The following SYNPO variants were observed in gnomAD, a reference collection of about 807,000 sequenced individuals.
SYNPO encodes synaptopodin.
SYNPO carries 19 observed loss-of-function variants against 49.5 expected under a neutral mutation model. The ratio of observed to expected loss-of-function variants is 0.38; its 90% confidence interval spans 0.27 to 0.56. The LOEUF (loss-of-function observed/expected upper bound fraction) is 0.56, where lower values mean the gene tolerates loss of function less well. Among genes scored for constraint, SYNPO ranks in the 20% least tolerant of loss-of-function variants. The pLI is 0.68. For synonymous variants in SYNPO, 536 were observed against 548.0 expected (o/e 0.98, Z 0.31); for missense variants, 1,131 against 1,248.3 (o/e 0.91, Z 1.42).
intron 2 of SYNPO, among the ~76,000 whole-genome samples, chr5:150,634,743 C>G (rs923406154): frequency 1.2e-4 from 18 of 151,572 alleles, no homozygotes; most frequent in Non-Finnish European, 2.4e-4. Context: ...GTCACTTGTC[C>G]CTGGAAGGTC....
chr5:150,602,997 G>GGGGGGTGT (rs1554106602), intron 1 of SYNPO, among the ~76,000 whole-genome samples: 9 of 131,184 alleles, frequency 6.9e-5, no homozygotes, highest in African/African-American at 2.7e-4. Context: ...GCCACCTTAG[G>GGGGGGTGT]GTGTGTGTGT....
chr5:150,648,668 T>C lies in SYNPO; in HGVS notation c.393T>C (p.Ala131=). The change falls in exon 2 of 3, where the codon GCT becomes GCC. Residue 131 remains alanine, a synonymous_variant. Coordinates refer to ENST00000307662, the MANE Select transcript of SYNPO (RefSeq NM_007286.6). The surrounding 1 kb of genome is among the most constrained non-coding windows in gnomAD (Gnocchi z 5.0). ...TCCCATCTAATGGCACAGGGCCTGC[T>C]TCCAAACCCAGCACCCTGTGTGCTG... is the stretch of plus-strand genomic sequence containing the variant. The part of the protein sequence containing the change: ...AQLPSNGTGP[A]SKPSTLCADG... The C allele has an allele frequency of 6.2e-7, 1 of 1,614,176 alleles. No individual in the cohort carries two copies. Among genetic ancestry groups the C allele is most frequent in the Non-Finnish European group, 8.5e-7 (1 of 1,180,030 alleles).
At chr5:150,651,858 GATACA>G in intron 2 of SYNPO, 1 of 1,000,482 alleles carries the variant, frequency 1.0e-6, no homozygotes, top group Non-Finnish European at 1.2e-6. Context: ...GAGGTGATAT[GATACA>G]GCCCCCGACC....
intron 2 of SYNPO, 119 bp from the exon 3 acceptor site, chr5:150,656,285 T>C: frequency 1.2e-6 from 1 of 819,158 alleles, no homozygotes; most frequent in Admixed American, 3.1e-5. Context: ...ACTACCTGAC[T>C]TGGATCGGTG....
upstream of SYNPO, among the ~76,000 whole-genome samples, chr5:150,636,801 G>A (rs887286270): frequency 1.3e-5 from 2 of 151,860 alleles, no homozygotes; most frequent in Non-Finnish European, 2.9e-5. Context: ...ACGCGGGGTG[G>A]GGGGTGTTGG....
intron 1 of SYNPO, among the ~76,000 whole-genome samples, chr5:150,605,884 GATATAC>G (rs1756680234): frequency 1.3e-5 from 2 of 151,688 alleles, no homozygotes; most frequent in African/African-American, 4.8e-5. Context: ...CACACAGACA[GATATAC>G]ATAGACACAC....
rs1297113176 is a variant in SYNPO at position 150,649,030 on chromosome 5, G to A, written c.755G>A (p.Ser252Asn). The change falls in exon 2 of 3, where the codon AGC (serine) becomes AAC (asparagine). Residue 252 changes from serine to asparagine, a missense_variant. This residue lies in a region of SYNPO where 602 missense variants were observed against 720.7 expected (regional missense o/e 0.84). Transcript: ENST00000307662. ...GGGATCCAGGCGCCAGGGGGCACCA[G>A]CCAGATGGAGAGGAGCCCCATGCTA... Reference protein sequence around the residue: ...PFGIQAPGGTSQMERSPMLER... With the variant: ...PFGIQAPGGTNQMERSPMLER... The A allele has an allele frequency of 6.2e-7, 1 of 1,614,122 alleles. No homozygotes were observed. The highest frequency in any genetic ancestry group is 8.5e-7 in the Non-Finnish European group (1 of 1,180,044).
chr5:150,653,061 T>C (rs1481235118), intron 2 of SYNPO: 1 of 152,254 alleles, frequency 6.6e-6, no homozygotes, highest in Non-Finnish European at 1.5e-5. Flanking sequence ...TGTGCCCTGC[T>C]TTGGGTCTGG....
At chr5:150,603,576 G>T (rs1181697774) in intron 1 of SYNPO, among the ~76,000 whole-genome samples, 1 of 152,270 alleles carries the variant, frequency 6.6e-6, no homozygotes, top group Non-Finnish European at 1.5e-5. Flanking sequence ...GCCTGACCCT[G>T]CTCTGCTGCA....
At chr5:150,617,097 G>T (rs920093186) in intron 1 of SYNPO, among the ~76,000 whole-genome samples, 4 of 152,160 alleles carry the variant, frequency 2.6e-5, no homozygotes, top group African/African-American at 9.7e-5. Context: ...TAGAAACTGT[G>T]CTGAGTCCTC....
rs972018006 is a variant in SYNPO, at chr5:150,652,371, A to G, written c.2028+2068A>G. On this transcript the variant is annotated intron_variant, in intron 2 of 2. Coordinates refer to ENST00000307662, the MANE Select transcript of SYNPO (RefSeq NM_007286.6). ...GCTTCTTTCTTTCTTCCGTGCTGCTAGGGGTCAGGGTTCCCTTCCTCCTGC... is the reference window on the plus strand; with the variant it reads ...GCTTCTTTCTTTCTTCCGTGCTGCTGGGGGTCAGGGTTCCCTTCCTCCTGC... The G allele has an allele frequency of 1.3e-5, 13 of 986,434 alleles. No homozygotes were observed. The African/African-American group carries it at 2.3e-4, about 17-fold the overall frequency. 61.1% of individuals were successfully genotyped at this position (986,434 alleles called of 1,614,324 possible).
At position 150,648,033 on chromosome 5, in the gene SYNPO, C is replaced by T. The variant is rs750446551; in HGVS notation, c.-243C>T. Reference sequence around the variant, plus strand: ...GATTGCAGCCCAGCTGACCACCCCTCCCAGCTCCAATTCCCGTGGCGTCCA... The same window carrying T: ...GATTGCAGCCCAGCTGACCACCCCTTCCAGCTCCAATTCCCGTGGCGTCCA... On this transcript the variant is annotated 5_prime_UTR_variant, in exon 2 of 3. Transcript: ENST00000307662. The surrounding 1 kb of genome is among the most constrained non-coding windows in gnomAD (Gnocchi z 5.0). 3 of 1,551,726 alleles carry T rather than the reference C, an allele frequency of 1.9e-6. No individual in the cohort carries two copies. The highest frequency in any genetic ancestry group is 2.0e-5 in the Admixed American group (1 of 50,984).
intron 1 of SYNPO, among the ~76,000 whole-genome samples, chr5:150,610,923 A>G (rs1243288041): frequency 6.6e-6 from 1 of 152,238 alleles, no homozygotes; most frequent in African/African-American, 2.4e-5. Context: ...TAATCAGAAT[A>G]TTAGCCTAAG....
Position 150,656,770 on chromosome 5 carries a change from C to A in SYNPO, c.2395C>A (p.Pro799Thr), listed in dbSNP as rs1758578943. Reference sequence around the variant, plus strand: ...GCCCCCGCCCCCGCCCCCGCCCCCGCCCCCGCGCATGCGCTCGCCACAGCC... The same window carrying A: ...GCCCCCGCCCCCGCCCCCGCCCCCGACCCCGCGCATGCGCTCGCCACAGCC... ...PPPPPPPPPP[P>T]PRMRSPQPAR... The change falls in exon 3 of 3, where the codon CCC becomes ACC. Residue 799 changes from proline to threonine, a missense_variant. Around this residue, in one of 4 missense-constraint regions of SYNPO, gnomAD observed 509 missense variants for 484.5 expected, o/e 1.05. Coordinates refer to ENST00000307662, the MANE Select transcript of SYNPO (RefSeq NM_007286.6). The A allele has an allele frequency of 8.1e-7, 1 of 1,237,728 alleles. No homozygotes were observed. Among genetic ancestry groups the A allele is most frequent in the Non-Finnish European group, 1.0e-6 (1 of 995,038 alleles). The allele number at this position is 1,237,728 out of a possible 1,614,324, so 76.7% of individuals were successfully genotyped here. A position where few individuals can be genotyped will look rare whatever the true frequency, so the allele number is the denominator to read the frequency against.
rs548914299 is a variant in SYNPO at position 150,621,173 on chromosome 5, G to A, written c.400+2406G>A. ...TCACCATGTTGGCCAGGCTGGCCTCGAACTCCTAACCTCAGGCGGTCTGCC... is the reference window on the plus strand; with the variant it reads ...TCACCATGTTGGCCAGGCTGGCCTCAAACTCCTAACCTCAGGCGGTCTGCC... On this transcript the variant is annotated intron_variant, in intron 2 of 2. Coordinates refer to the SYNPO transcript ENST00000394243. Among the ~76,000 whole-genome samples the A allele has an allele frequency of 1.4e-4, 21 of 152,000 alleles. No homozygotes were observed. In the East Asian group the frequency reaches 2.1e-3, roughly 15 times the overall value.
chr5:150,654,420 C>T (rs1199186836), intron 2 of SYNPO, among the ~76,000 whole-genome samples: 1 of 151,948 alleles, frequency 6.6e-6, no homozygotes. Flanking sequence ...TTGTTATTTA[C>T]ACCTCTGAGC....
the SYNPO span, among the ~76,000 whole-genome samples, chr5:150,595,886 C>G: frequency 6.6e-6 from 1 of 151,450 alleles, no homozygotes; most frequent in African/African-American, 2.4e-5. Flanking sequence ...CCTGCCTTCC[C>G]GTAAGTCGGC....
chr5:150,651,118 GAGA>G (rs1246441026), intron 2 of SYNPO: 5 of 1,080,396 alleles, frequency 4.6e-6, no homozygotes, highest in Non-Finnish European at 5.7e-6. Flanking sequence ...GGATCCCCAG[GAGA>G]AGGAGAGCCC....
upstream of SYNPO, among the ~76,000 whole-genome samples, chr5:150,600,615 G>A (rs554616500): frequency 1.3e-5 from 2 of 152,260 alleles, no homozygotes; most frequent in East Asian, 1.9e-4. Flanking sequence ...TAAGGGATCC[G>A]GGAAAGGGAA....
Sources: gnomAD v4.1 joint callset for allele counts (sites outside exome capture counted in the v4.1 genomes callset) on GRCh38, gnomAD v4.1.1 for gene constraint, gnomAD v4.1.1 regional missense constraint, Gnocchi (gnomAD v3.1) non-coding constraint, MANE v1.5 for transcripts, NCBI Gene and HGNC (gene_info 2026-07-23, HGNC 2026-07-21) for gene names.